Variants in TRIM67 observed in about 807,000 individuals in gnomAD.
TRIM67 encodes tripartite motif-containing protein 67.
A neutral mutation model predicts 71.0 loss-of-function variants in TRIM67; 39 were observed. The ratio of observed to expected loss-of-function variants is 0.55; its 90% CI spans 0.43 to 0.72. The LOEUF is 0.72. Ranked by LOEUF, TRIM67 falls within the 30% of genes least tolerant of loss-of-function variation. The probability of loss-of-function intolerance (pLI) is 0.00; values close to 1 mark genes in which losing one functional copy is unlikely to be tolerated. For synonymous variants in TRIM67, 481 were observed against 473.9 expected, an observed-to-expected ratio of 1.01 and a Z score of -0.19; for missense variants, 973 against 1,079.2, an observed-to-expected ratio of 0.90 and a Z score of 1.38.
intron 1 of TRIM67, among the ~76,000 whole-genome samples, chr1:231,165,250 G>A (rs530662948): frequency 4.0e-4 from 61 of 152,262 alleles, no homozygotes; most frequent in Non-Finnish European, 8.7e-4. Context: ...TGTCAACAGT[G>A]CTCTGGAGAG....
chr1:231,186,516 C>T (rs753868226), intron 1 of TRIM67, among the ~76,000 whole-genome samples: 10 of 152,162 alleles, frequency 6.6e-5, no homozygotes, highest in African/African-American at 9.7e-5. Flanking sequence ...GGACCTGCTC[C>T]GGCCTCTCTC....
chr1:231,201,839 A>G (rs575065553), intron 5 of TRIM67, among the ~76,000 whole-genome samples: 1 of 152,378 alleles, frequency 6.6e-6, no homozygotes, highest in South Asian at 2.1e-4. Flanking sequence ...CCACATGCTC[A>G]AGATGCGGTT....
At position 231,201,535 on chromosome 1, in the gene TRIM67, C is replaced by A; in HGVS notation, c.1534+18C>A. 3 of 1,610,618 alleles carry A rather than the reference C, an allele frequency of 1.9e-6. No individual in the cohort carries two copies. The highest frequency in any genetic ancestry group is 2.5e-6 in the Non-Finnish European group (3 of 1,178,362). ...ATGTAGGGGTGAGCCGCGGTTGGCC[C>A]CAGTTCAGTCAGTGCTTCTTTCAAA... On this transcript the variant is annotated intron_variant, in intron 5 of 9. Coordinates refer to ENST00000366653, the MANE Select transcript of TRIM67 (RefSeq NM_001004342.5).
intron 1 of TRIM67, among the ~76,000 whole-genome samples, chr1:231,189,207 G>A (rs920020870): frequency 2.6e-5 from 4 of 152,180 alleles, no homozygotes; most frequent in Non-Finnish European, 4.4e-5. Flanking sequence ...GAACAGTTCT[G>A]TGGCCACATG....
intron 5 of TRIM67, among the ~76,000 whole-genome samples, chr1:231,202,526 A>C (rs773201380): frequency 3.3e-5 from 5 of 152,130 alleles, no homozygotes; most frequent in Admixed American, 6.5e-5. Flanking sequence ...GAAATCAGCA[A>C]ATGCTGGCCA....
chr1:231,200,171 C>T lies in TRIM67; in HGVS notation c.1287C>T (p.His429=). ...KLKMVWDQIN[H]CTLKLRQSTG... The stretch of plus-strand genomic sequence containing the variant: ...AGATGGTTTGGGACCAGATCAATCA[C>T]TGCACATTGAAGCTGCGTCAGTCCA... The change falls in exon 4 of 10, where the codon CAC becomes CAT. Residue 429 remains histidine, a synonymous_variant. Coordinates refer to ENST00000366653, the MANE Select transcript of TRIM67 (RefSeq NM_001004342.5). The T allele has an allele frequency of 1.2e-6, 2 of 1,613,900 alleles. No individual in the cohort carries two copies. Among genetic ancestry groups the T allele is most frequent in the Non-Finnish European group, 1.7e-6 (2 of 1,179,784 alleles).
intron 4 of TRIM67, 93 bp from the exon 5 acceptor site, chr1:231,201,265 C>T (rs1558303453): frequency 1.5e-6 from 2 of 1,350,374 alleles, no homozygotes; most frequent in Non-Finnish European, 2.0e-6. Flanking sequence ...TCTCTGAGTC[C>T]CATAGAGACA....
rs1420651688 is a variant in TRIM67, at chr1:231,163,472, T to G, written c.503T>G (p.Leu168Arg). 1.3e-6 allele frequency: 2 copies of G among 1,533,578 alleles called. No individual in the cohort carries two copies. Among genetic ancestry groups the G allele is most frequent in the Admixed American group, 1.9e-5 (1 of 51,344 alleles). 95.0% of individuals were successfully genotyped at this position (1,533,578 alleles called of 1,614,324 possible). The change falls in exon 1 of 10, where the codon CTG becomes CGG. Residue 168 changes from leucine (L) to arginine (R), a missense_variant. Leu to Arg is a moderately radical substitution (Grantham distance 102, BLOSUM62 -2). Coordinates refer to ENST00000366653, the MANE Select transcript of TRIM67 (RefSeq NM_001004342.5). ...CCGCAGTGCCACCGCAGCGCATCCC[T>G]GGACCACCGCGGCCTGCGCGGCTTC... is the stretch of plus-strand genomic sequence containing the variant. ...TCPQCHRSASLDHRGLRGFQR... is the reference protein window; with the variant it reads ...TCPQCHRSASRDHRGLRGFQR...
In TRIM67 at chr1:231,216,388, G is replaced by T; in HGVS notation, c.*948G>T. 7.1e-6 allele frequency: 7 copies of T among 985,428 alleles called. No individual in the cohort carries two copies. The highest frequency in any genetic ancestry group is 8.4e-6 in the Non-Finnish European group (7 of 829,946). The allele number at this position is 985,428 out of a possible 1,614,324, so 61.0% of individuals were successfully genotyped here. On this transcript the variant is annotated 3_prime_UTR_variant, in exon 10 of 10. Transcript: ENST00000366653. ...AAAACACAAGAATTTTAACAACTATGTCATAGGTCTTCGCCTGGTGATGGC... is the reference window on the plus strand; with the variant it reads ...AAAACACAAGAATTTTAACAACTATTTCATAGGTCTTCGCCTGGTGATGGC...
At chr1:231,202,150 TAGC>T (rs1683558640) in intron 5 of TRIM67, among the ~76,000 whole-genome samples, 1 of 12,938 alleles carries the variant, frequency 7.7e-5, no homozygotes. Context: ...GAGGAAGAGG[TAGC>T]GGAGGAGGAG....
Position 231,163,746 on chromosome 1 carries a change from G to C in TRIM67, c.777G>C (p.Pro259=). ...TGCAGCCGCCGCCGCCGCCGCCGCC[G>C]CCCGCCGAGGCAGCCTCCGGGCCCA... ...RLVQPPPPPP[P]PAEAASGPTG... Residue 259 remains proline, a synonymous_variant, in exon 1 of 10, where the codon CCG becomes CCC. Coordinates refer to ENST00000366653, the MANE Select transcript of TRIM67 (RefSeq NM_001004342.5). 6.7e-7 allele frequency: 1 copy of C among 1,491,282 alleles called. No homozygotes were observed. The allele number at this position is 1,491,282 out of a possible 1,614,324, so 92.4% of individuals were successfully genotyped here.
intron 7 of TRIM67, among the ~76,000 whole-genome samples, chr1:231,207,978 G>A (rs1163233977): frequency 6.6e-6 from 1 of 151,790 alleles, no homozygotes; most frequent in African/African-American, 2.4e-5. Context: ...CCACCCATGA[G>A]GTGGCTCATC....
chr1:231,177,070 G>T (rs1682773892), intron 1 of TRIM67, among the ~76,000 whole-genome samples: 1 of 152,148 alleles, frequency 6.6e-6, no homozygotes, highest in Non-Finnish European at 1.5e-5. Context: ...TTAAAAGAAG[G>T]CTGATTTTGG....
chr1:231,211,367 T>C (rs1469767888), intron 8 of TRIM67, among the ~76,000 whole-genome samples: 2 of 151,992 alleles, frequency 1.3e-5, no homozygotes, highest in Non-Finnish European at 2.9e-5. Context: ...CCCTCGGATG[T>C]GGATCGGGTA....
rs773687809 is a variant in TRIM67, at chr1:231,163,501, C to T, written c.532C>T (p.Arg178Cys). 2.6e-6 allele frequency: 4 copies of T among 1,519,430 alleles called. No individual in the cohort carries two copies. Among genetic ancestry groups the T allele is most frequent in the East Asian group, 5.2e-5 (2 of 38,560 alleles). 94.1% of individuals were successfully genotyped at this position (1,519,430 alleles called of 1,614,324 possible). A position where few individuals can be genotyped will look rare whatever the true frequency, so the allele number is the denominator to read the frequency against. Residue 178 changes from arginine (R) to cysteine (C), a missense_variant, in exon 1 of 10, where the codon CGC (arginine) becomes TGC (cysteine). This residue lies in a region of TRIM67 where 795 missense variants were observed against 831.3 expected (regional missense o/e 0.96). Coordinates refer to ENST00000366653, the MANE Select transcript of TRIM67 (RefSeq NM_001004342.5). ...LDHRGLRGFQ[R>C]NRLLEAIVQR... Reference sequence around the variant, plus strand: ...CCACCGCGGCCTGCGCGGCTTCCAGCGCAACCGGCTGCTCGAGGCCATCGT... The same window carrying T: ...CCACCGCGGCCTGCGCGGCTTCCAGTGCAACCGGCTGCTCGAGGCCATCGT...
rs756503581 is a variant in TRIM67, at chr1:231,206,674, CTT to C, written c.1705_1706del (p.Leu569ValfsTer29). 6.2e-7 allele frequency: 1 copy of C among 1,609,438 alleles called. No homozygotes were observed. On this transcript the variant is annotated frameshift_variant, in exon 7 of 10. Coordinates refer to ENST00000366653, the MANE Select transcript of TRIM67 (RefSeq NM_001004342.5). LOFTEE classifies it high-confidence loss of function. ...CAGGAAGTGTACGTCGGTAAGGAGA[CTT>C]TGTGTACCATCGACGGTCTTCACTT...
intron 1 of TRIM67, among the ~76,000 whole-genome samples, chr1:231,172,872 G>A (rs185423436): frequency 1.3e-5 from 2 of 152,192 alleles, no homozygotes; most frequent in Non-Finnish European, 2.9e-5. Context: ...TCTCTCACTC[G>A]ATAAATTATT....
intron 1 of TRIM67, among the ~76,000 whole-genome samples, chr1:231,181,771 AG>A (rs1365126808): frequency 3.9e-5 from 6 of 152,146 alleles, no homozygotes; most frequent in Admixed American, 1.3e-4. Flanking sequence ...CTCCTGGAAT[AG>A]GGCCCACTAT....
In TRIM67 at chr1:231,217,861, A is replaced by G. The variant is rs954544046; in HGVS notation, c.*2421A>G. On this transcript the variant is annotated 3_prime_UTR_variant, in exon 10 of 10. Transcript: ENST00000366653. ...AAAGTGCAGGAGGGTAATGCCCTCA[A>G]ATCCGGTGGCCTCTTTCAGAAAAAA... 3.9e-6 allele frequency: 5 copies of G among 1,289,588 alleles called. No individual in the cohort carries two copies. Among genetic ancestry groups the G allele is most frequent in the African/African-American group, 3.0e-5 (2 of 65,858 alleles). The allele number at this position is 1,289,588 out of a possible 1,614,324, so 79.9% of individuals were successfully genotyped here.
Sources: allele counts gnomAD v4.1 joint callset (sites outside exome capture counted in the v4.1 genomes callset), GRCh38; gene constraint gnomAD v4.1.1; regional missense constraint gnomAD v4.1.1; transcripts MANE v1.5; gene names NCBI Gene and HGNC (gene_info 2026-07-23, HGNC 2026-07-21).